The following STPG2 variants were observed in gnomAD, a reference collection of about 807,000 sequenced individuals.
STPG2 encodes sperm-tail PG-rich repeat-containing protein 2.
A neutral mutation model predicts 54.2 loss-of-function variants in STPG2; 56 were observed. The ratio of observed to expected loss-of-function variants is 1.03; its 90% CI spans 0.83 to 1.29. The LOEUF is 1.29. Ranked by LOEUF, STPG2 falls within the 50% of genes most tolerant of loss-of-function variation. The pLI, the probability that STPG2 is intolerant of heterozygous loss-of-function variation, is 0.00. For synonymous variants in STPG2, 200 were observed against 181.8 expected (o/e 1.10, Z -0.81); for missense variants, 596 against 544.9 (o/e 1.09, Z -0.93).
intron 8 of STPG2, among the ~76,000 whole-genome samples, chr4:97,939,138 C>T (rs1672341374): frequency 6.6e-6 from 1 of 151,988 alleles, no homozygotes; most frequent in South Asian, 2.1e-4. Flanking sequence ...TTTTTATAGT[C>T]TTGACATCTA....
intron 8 of STPG2, among the ~76,000 whole-genome samples, chr4:97,883,993 G>A (rs1451553348): frequency 6.6e-6 from 1 of 152,134 alleles, no homozygotes; most frequent in Non-Finnish European, 1.5e-5. Flanking sequence ...AGATGGGGAA[G>A]AAGTTTTTGC....
intron 5 of STPG2, among the ~76,000 whole-genome samples, chr4:98,016,803 T>C (rs1337912240): frequency 6.6e-6 from 1 of 152,162 alleles, no homozygotes; most frequent in African/African-American, 2.4e-5. Context: ...ATTCTTTTAG[T>C]GGTATGACTT....
At chr4:97,466,544 A>G (rs933225459) in intron 4 of STPG2, among the ~76,000 whole-genome samples, 6 of 151,968 alleles carry the variant, frequency 3.9e-5, no homozygotes, top group African/African-American at 7.2e-5. Flanking sequence ...TATCTGTGGT[A>G]TTTACTAATA....
At chr4:98,031,062 C>A (rs1736580654) in intron 5 of STPG2, among the ~76,000 whole-genome samples, 2 of 152,246 alleles carry the variant, frequency 1.3e-5, no homozygotes, top group East Asian at 3.9e-4. Flanking sequence ...AAAACAGGCA[C>A]ATAGACCAAT....
intron 10 of STPG2, among the ~76,000 whole-genome samples, chr4:97,619,824 ATTT>A (rs113041695): frequency 2.3e-5 from 3 of 130,314 alleles, no homozygotes; most frequent in Admixed American, 8.0e-5. Flanking sequence ...TTCTTTTTCT[ATTT>A]TTTTTTTTTT....
chr4:97,477,181 G>C (rs1021503906), intron 4 of STPG2, among the ~76,000 whole-genome samples: 1 of 151,944 alleles, frequency 6.6e-6, no homozygotes, highest in Non-Finnish European at 1.5e-5. Context: ...TTTGTTTTTT[G>C]GTGTTACTAT....
intron 4 of STPG2, among the ~76,000 whole-genome samples, chr4:97,476,353 T>C (rs1730070945): frequency 6.6e-6 from 1 of 152,178 alleles, no homozygotes; most frequent in South Asian, 2.1e-4. Flanking sequence ...TTTGTTATTT[T>C]AACTTAAAAA....
At chr4:97,559,945 C>A (rs1732181057) in intron 10 of STPG2, among the ~76,000 whole-genome samples, 1 of 152,174 alleles carries the variant, frequency 6.6e-6, no homozygotes, top group South Asian at 2.1e-4. Context: ...CCTTCTCCAG[C>A]CTTCCTCAAC....
At chr4:97,684,623 A>C (rs1373294078) in intron 10 of STPG2, among the ~76,000 whole-genome samples, 1 of 152,028 alleles carries the variant, frequency 6.6e-6, no homozygotes, top group African/African-American at 2.4e-5. Context: ...TAAGTATAAA[A>C]TACAAAACCA....
At chr4:98,040,312 C>G (rs1736911348) in intron 5 of STPG2, among the ~76,000 whole-genome samples, 1 of 151,800 alleles carries the variant, frequency 6.6e-6, no homozygotes. Context: ...TATGCAGAAG[C>G]TTTTTAGTTT....
intron 10 of STPG2, among the ~76,000 whole-genome samples, chr4:97,653,115 G>GTAGA (rs372578737): frequency 1.4e-5 from 2 of 144,724 alleles, no homozygotes; most frequent in East Asian, 2.0e-4. Context: ...AGATAGATAG[G>GTAGA]TAGATAGATA....
At chr4:97,550,401 T>C (rs1460509403) in intron 4 of STPG2, among the ~76,000 whole-genome samples, 1 of 152,072 alleles carries the variant, frequency 6.6e-6, no homozygotes, top group African/African-American at 2.4e-5. Flanking sequence ...TTTAGAGTAA[T>C]ACATTATAAT....
chr4:97,880,984 T>G (rs1025769560), intron 8 of STPG2, among the ~76,000 whole-genome samples: 1 of 152,056 alleles, frequency 6.6e-6, no homozygotes, highest in African/African-American at 2.4e-5. Context: ...AGGAAAGGAT[T>G]TATTTACCAA....
chr4:97,876,687 T>C (rs1730183550), intron 8 of STPG2, among the ~76,000 whole-genome samples: 1 of 152,102 alleles, frequency 6.6e-6, no homozygotes, highest in African/African-American at 2.4e-5. Context: ...TTAAAAAGTT[T>C]TTTTAATTAT....
intron 4 of STPG2, among the ~76,000 whole-genome samples, chr4:98,108,935 T>C (rs1056066674): frequency 3.3e-5 from 5 of 152,022 alleles, no homozygotes; most frequent in African/African-American, 1.2e-4. Context: ...ATATAGATGA[T>C]GGGTTGATGG....
chr4:98,106,054 A>G lies in STPG2; in HGVS notation c.511T>C (p.Ser171Pro). The G allele has an allele frequency of 6.8e-7, 1 of 1,476,770 alleles. No individual in the cohort carries two copies. The highest frequency in any genetic ancestry group is 9.2e-7 in the Non-Finnish European group (1 of 1,083,186). 91.5% of individuals were successfully genotyped at this position (1,476,770 alleles called of 1,614,324 possible). ...TTGATGTTAACATTTTCATAATATG[A>G]TGTCTTTTTCCTTCAGAAAATTCAA... is the stretch of plus-strand genomic sequence containing the variant. Reference protein sequence around the residue: ...GQYDIVQKKTSYYENVNIKRD... With the variant: ...GQYDIVQKKTPYYENVNIKRD... The change falls in exon 5 of 11, where the codon TCA (serine) becomes CCA (proline). Residue 171 changes from serine to proline, a missense_variant. Coordinates refer to ENST00000295268, the MANE Select transcript of STPG2 (RefSeq NM_174952.3).
rs564010590 is a variant in STPG2, at chr4:97,571,335, C to G, written c.1321-12218G>C. ...CCAACCATCTGAATGCAGCACCTGA[C>G]AGCCAGGGCTCTTAAAATTTAACCC... On this transcript the variant is annotated intron_variant, in intron 10 of 10. Transcript: ENST00000295268. Among the ~76,000 whole-genome samples, 6 of 152,222 alleles carry G rather than the reference C, an allele frequency of 3.9e-5. No individual in the cohort carries two copies. The East Asian group carries it at 1.2e-3, about 30-fold the overall frequency.
chr4:97,547,443 C>T (rs1004253728), intron 4 of STPG2, among the ~76,000 whole-genome samples: 4 of 152,262 alleles, frequency 2.6e-5, no homozygotes, highest in Non-Finnish European at 5.9e-5. Flanking sequence ...ATCTCCTGAC[C>T]TTGTGATTCA....
intron 10 of STPG2, among the ~76,000 whole-genome samples, chr4:97,597,564 C>T (rs893546102): frequency 1.3e-5 from 2 of 151,920 alleles, no homozygotes; most frequent in African/African-American, 2.4e-5. Flanking sequence ...CCCTGGGATG[C>T]AAGGTTGTTT....
Sources: gnomAD v4.1 joint callset for allele counts (sites outside exome capture counted in the v4.1 genomes callset) on GRCh38, gnomAD v4.1.1 for gene constraint, MANE v1.5 for transcripts, NCBI Gene and HGNC (gene_info 2026-07-23, HGNC 2026-07-21) for gene names.